ADAMTS17: variants seen among roughly 807,000 people sequenced by gnomAD.
ADAMTS17 encodes A disintegrin and metalloproteinase with thrombospondin motifs 17.
A neutral mutation model predicts 141.5 loss-of-function variants in ADAMTS17; 113 were observed. The ratio of observed to expected loss-of-function variants is 0.80; its 90% CI spans 0.69 to 0.93. ADAMTS17 has a LOEUF of 0.93. Among genes scored for constraint, ADAMTS17 ranks in the 40% least tolerant of loss-of-function variants. The probability of loss-of-function intolerance (pLI) is 0.00; values close to 1 mark genes in which losing one functional copy is unlikely to be tolerated. For missense variants in ADAMTS17, 1,659 were observed against 1,517.9 expected (o/e 1.09, Z -1.54); for synonymous variants, 768 against 630.6 (o/e 1.22, Z -3.27).
intron 8 of ADAMTS17, among the ~76,000 whole-genome samples, chr15:100,194,729 C>T (rs1371547889): frequency 6.6e-6 from 1 of 152,176 alleles, no homozygotes. Flanking sequence ...ATGTTGGATG[C>T]TGACATCCAG....
intron 10 of ADAMTS17, among the ~76,000 whole-genome samples, chr15:100,138,537 G>C (rs1414694528): frequency 6.6e-6 from 1 of 152,168 alleles, no homozygotes; most frequent in Non-Finnish European, 1.5e-5. Flanking sequence ...CCCCGAATGA[G>C]AGAATCTGTG....
chr15:100,084,778 G>C (rs558299138), intron 15 of ADAMTS17, among the ~76,000 whole-genome samples: 1 of 152,174 alleles, frequency 6.6e-6, no homozygotes, highest in Non-Finnish European at 1.5e-5. Context: ...CTGTAGCTGA[G>C]GGTCCTCACT....
chr15:100,166,865 G>A (rs2039970518), intron 8 of ADAMTS17, among the ~76,000 whole-genome samples: 1 of 152,232 alleles, frequency 6.6e-6, no homozygotes, highest in South Asian at 2.1e-4. Context: ...GCATTTTGCA[G>A]AGCACCAGGC....
chr15:100,155,955 G>T (rs1211283215), intron 8 of ADAMTS17, among the ~76,000 whole-genome samples: 1 of 151,816 alleles, frequency 6.6e-6, no homozygotes, highest in East Asian at 1.9e-4. Context: ...TCACTGGGGT[G>T]AGCCAAGACA....
intron 15 of ADAMTS17, among the ~76,000 whole-genome samples, chr15:100,078,555 A>T (rs1480298332): frequency 1.5e-4 from 17 of 111,880 alleles, no homozygotes; most frequent in African/African-American, 1.1e-3. Flanking sequence ...CAGACCATAC[A>T]AAAAAATTAA....
At chr15:100,024,406 G>T (rs1160517587) in intron 18 of ADAMTS17, among the ~76,000 whole-genome samples, 1 of 152,206 alleles carries the variant, frequency 6.6e-6, no homozygotes, top group Non-Finnish European at 1.5e-5. Context: ...CTGTCATATA[G>T]ATAGAGCCAT....
intron 8 of ADAMTS17, among the ~76,000 whole-genome samples, chr15:100,165,091 T>A (rs1304971222): frequency 6.6e-6 from 1 of 152,180 alleles, no homozygotes; most frequent in Non-Finnish European, 1.5e-5. Flanking sequence ...TGGTAAAAGC[T>A]CAAGGGACAT....
chr15:99,974,177 G>C lies in ADAMTS17; in HGVS notation c.*225C>G, dbSNP rs552912860. The C allele has an allele frequency of 3.4e-6, 2 of 592,796 alleles. No homozygotes were observed. The highest frequency in any genetic ancestry group is 2.9e-5 in the East Asian group (1 of 34,726). The allele number at this position is 592,796 out of a possible 1,614,324, so 36.7% of individuals were successfully genotyped here. A position where few individuals can be genotyped will look rare whatever the true frequency, so the allele number is the denominator to read the frequency against. On this transcript the variant is annotated 3_prime_UTR_variant, in exon 22 of 22. Coordinates refer to ENST00000268070, the MANE Select transcript of ADAMTS17 (RefSeq NM_139057.4). ...AAATCCTAGAAATTGAAGTTACTTT[G>C]TGACTCATGCCTACTTTCTCCTCAC...
intron 15 of ADAMTS17, among the ~76,000 whole-genome samples, chr15:100,071,422 T>C (rs1172438487): frequency 6.7e-6 from 1 of 149,842 alleles, no homozygotes; most frequent in Non-Finnish European, 1.5e-5. Flanking sequence ...TACCAAAGCC[T>C]GGCAGAGACA....
chr15:100,205,765 C>T lies in ADAMTS17; in HGVS notation c.1076-6342G>A, dbSNP rs572600325. Among the ~76,000 whole-genome samples the T allele has an allele frequency of 6.6e-5, 10 of 152,366 alleles. No homozygotes were observed. The East Asian group carries it at 7.7e-4, about 12-fold the overall frequency. On this transcript the variant is annotated intron_variant, in intron 7 of 21. Transcript: ENST00000268070. ...CCGGGCAGAGTCTAAGCTGAGCAGG[C>T]ACACGCCTAGGGGAAGCAGCCTCCA...
intron 7 of ADAMTS17, among the ~76,000 whole-genome samples, chr15:100,209,643 G>C (rs1235531992): frequency 6.6e-6 from 1 of 151,170 alleles, no homozygotes; most frequent in African/African-American, 2.4e-5. Context: ...GTTGATGAGA[G>C]CCACACCACG....
intron 4 of ADAMTS17, among the ~76,000 whole-genome samples, chr15:100,263,971 C>T (rs145509467): frequency 6.6e-6 from 1 of 152,342 alleles, no homozygotes; most frequent in East Asian, 1.9e-4. Flanking sequence ...AGAAGCCAGG[C>T]ACGCAGTGTT....
At chr15:100,100,344 C>T (rs140293520) in intron 14 of ADAMTS17, among the ~76,000 whole-genome samples, 16 of 152,242 alleles carry the variant, frequency 1.1e-4, no homozygotes, top group South Asian at 6.2e-4. Flanking sequence ...TTGGTAATTT[C>T]GCCTTCTCCT....
intron 19 of ADAMTS17, among the ~76,000 whole-genome samples, chr15:99,995,522 G>A (rs1049401476): frequency 6.6e-6 from 1 of 152,190 alleles, no homozygotes; most frequent in Non-Finnish European, 1.5e-5. Context: ...CATCAGGGGC[G>A]GGGCCTGCAA....
intron 10 of ADAMTS17, among the ~76,000 whole-genome samples, chr15:100,141,574 C>G (rs548754962): frequency 1.3e-5 from 2 of 152,322 alleles, no homozygotes; most frequent in East Asian, 3.9e-4. Context: ...GGCCAGCATG[C>G]CAGCCCCACT....
chr15:100,286,138 C>T (rs371380812), intron 3 of ADAMTS17, among the ~76,000 whole-genome samples: 11 of 152,168 alleles, frequency 7.2e-5, no homozygotes, highest in African/African-American at 2.2e-4. Context: ...TCTCCCACCA[C>T]TTTGTCAGCA....
At chr15:99,985,197 T>C (rs2060561507) in intron 20 of ADAMTS17, among the ~76,000 whole-genome samples, 1 of 152,252 alleles carries the variant, frequency 6.6e-6, no homozygotes, top group African/African-American at 2.4e-5. Flanking sequence ...CCGCTCCTTT[T>C]TGCCCCTGCC....
At chr15:99,986,758 G>A (rs1037093114) in intron 20 of ADAMTS17, among the ~76,000 whole-genome samples, 28 of 152,204 alleles carry the variant, frequency 1.8e-4, no homozygotes, top group African/African-American at 5.3e-4. Flanking sequence ...AGAAAGAAAG[G>A]AGATTTCCTC....
intron 15 of ADAMTS17, among the ~76,000 whole-genome samples, chr15:100,090,249 A>T (rs956172232): frequency 2.0e-5 from 3 of 152,210 alleles, no homozygotes; most frequent in African/African-American, 7.2e-5. Context: ...TTCGGGGTCA[A>T]AGTGATTAGA....
Sources: allele counts gnomAD v4.1 joint callset (sites outside exome capture counted in the v4.1 genomes callset), GRCh38; gene constraint gnomAD v4.1.1; transcripts MANE v1.5; gene names NCBI Gene and HGNC (gene_info 2026-07-23, HGNC 2026-07-21).